SENP7: variants seen among roughly 807,000 people sequenced by gnomAD.
The protein encoded by SENP7 is sentrin-specific protease 7.
A neutral mutation model predicts 141.2 loss-of-function variants in SENP7; 64 were observed. The ratio of observed to expected loss-of-function variants is 0.45; its 90% confidence interval spans 0.37 to 0.56. The LOEUF (loss-of-function observed/expected upper bound fraction) is 0.56. Ranked by LOEUF, SENP7 falls within the 20% of genes least tolerant of loss-of-function variation. The pLI is 0.00. For missense variants in SENP7, 1,025 were observed against 1,212.2 expected, an observed-to-expected ratio of 0.85 and a Z score of 2.29; for synonymous variants, 382 against 426.4, an observed-to-expected ratio of 0.90 and a Z score of 1.28.
intron 3 of SENP7, among the ~76,000 whole-genome samples, chr3:101,490,597 AAAC>A (rs2064926890): frequency 6.6e-6 from 1 of 152,200 alleles, no homozygotes; most frequent in Non-Finnish European, 1.5e-5. Context: ...GATAAAATGA[AAAC>A]AAGGAAAATT....
intron 11 of SENP7, among the ~76,000 whole-genome samples, chr3:101,355,070 GT>G (rs1038753968): frequency 1.3e-5 from 2 of 151,928 alleles, no homozygotes; most frequent in African/African-American, 2.4e-5. Context: ...TCATAGGGTT[GT>G]TTTTTTCCTG....
intron 3 of SENP7, among the ~76,000 whole-genome samples, chr3:101,478,216 A>G (rs1029321077): frequency 6.6e-6 from 1 of 152,064 alleles, no homozygotes; most frequent in African/African-American, 2.4e-5. Flanking sequence ...CCCAATAACA[A>G]ATAACAAGAC....
chr3:101,449,299 A>C (rs952394619), intron 4 of SENP7, among the ~76,000 whole-genome samples: 3 of 152,248 alleles, frequency 2.0e-5, no homozygotes, highest in Non-Finnish European at 4.4e-5. Context: ...AACACTCTGC[A>C]GGATATTATC....
At chr3:101,417,208 G>T (rs2061648489) in intron 5 of SENP7, among the ~76,000 whole-genome samples, 1 of 150,546 alleles carries the variant, frequency 6.6e-6, no homozygotes. Flanking sequence ...GAATGTTAAA[G>T]ATGAAGAAAA....
At chr3:101,348,097 G>A (rs1576033739) in intron 12 of SENP7, 46 bp from the exon 13 acceptor site, 3 of 1,312,802 alleles carry the variant, frequency 2.3e-6, no homozygotes, top group South Asian at 1.6e-5. Flanking sequence ...ATCCATTTAA[G>A]AATACACCAC....
intron 23 of SENP7, 117 bp downstream of exon 23, chr3:101,327,541 CTTTATAAA>C (rs982816233): frequency 2.5e-5 from 16 of 650,308 alleles, no homozygotes; most frequent in Middle Eastern, 4.1e-4. Flanking sequence ...AACCTCTTTC[CTTTATAAA>C]TTACCCAGTC....
At chr3:101,349,361 A>T (rs748866816) in intron 12 of SENP7, among the ~76,000 whole-genome samples, 9 of 152,166 alleles carry the variant, frequency 5.9e-5, no homozygotes, top group Non-Finnish European at 1.2e-4. Flanking sequence ...AAATCTACAC[A>T]ACTACTACTA....
At chr3:101,354,086 T>A (rs1287579639) in intron 11 of SENP7, among the ~76,000 whole-genome samples, 2 of 151,974 alleles carry the variant, frequency 1.3e-5, no homozygotes, top group Non-Finnish European at 2.9e-5. Flanking sequence ...ATACTTAAAA[T>A]TTTTTTTAAT....
At chr3:101,415,082 A>G (rs2061573031) in intron 5 of SENP7, among the ~76,000 whole-genome samples, 1 of 152,256 alleles carries the variant, frequency 6.6e-6, no homozygotes, top group African/African-American at 2.4e-5. Flanking sequence ...GCTGTGAAAC[A>G]AAATCCATGA....
chr3:101,496,701 C>T (rs375416963), intron 2 of SENP7, among the ~76,000 whole-genome samples: 3 of 152,226 alleles, frequency 2.0e-5, no homozygotes, highest in East Asian at 1.9e-4. Context: ...CCTCAGCCTC[C>T]GAAGTAGATG....
chr3:101,363,228 A>G, intron 10 of SENP7: 2 of 533,788 alleles, frequency 3.7e-6, no homozygotes, highest in Non-Finnish European at 4.8e-6. Flanking sequence ...CAATCAATCA[A>G]ATCAAATCAG....
rs527635528 is a variant in SENP7 at position 101,418,948 on chromosome 3, T to A, written c.285-1158A>T. On this transcript the variant is annotated intron_variant, in intron 4 of 23. Transcript: ENST00000394095. ...AACGATGCTAGTATAATCTGGAGTT[T>A]CAGCTACAAACAAAATAGTTGAGTT... Among the ~76,000 whole-genome samples, 23 of 152,322 alleles carry A rather than the reference T, an allele frequency of 1.5e-4. No individual in the cohort carries two copies. The South Asian group carries it at 4.6e-3, about 30-fold the overall frequency.
At chr3:101,464,181 A>C (rs1182835214) in intron 3 of SENP7, among the ~76,000 whole-genome samples, 8 of 152,188 alleles carry the variant, frequency 5.3e-5, no homozygotes, top group Non-Finnish European at 1.0e-4. Flanking sequence ...AACTCTCTGA[A>C]AGAAGTAAAA....
At chr3:101,410,906 C>CATTAGATACTTTAT (rs1438900205) in intron 5 of SENP7, among the ~76,000 whole-genome samples, 2 of 80,454 alleles carry the variant, frequency 2.5e-5, no homozygotes, top group Admixed American at 3.0e-4. Flanking sequence ...GATATGGTAT[C>CATTAGATACTTTAT]TGTAGCAAAG....
intron 3 of SENP7, among the ~76,000 whole-genome samples, chr3:101,487,008 T>TA (rs1352954975): frequency 6.6e-6 from 1 of 152,140 alleles, no homozygotes; most frequent in Non-Finnish European, 1.5e-5. Context: ...CAACAGCAGT[T>TA]AAAAGAGACA....
chr3:101,421,788 C>T (rs575025967), intron 4 of SENP7, among the ~76,000 whole-genome samples: 1 of 152,276 alleles, frequency 6.6e-6, no homozygotes, highest in South Asian at 2.1e-4. Flanking sequence ...ACATCTACAA[C>T]ATTTAAGTGT....
chr3:101,447,349 T>G (rs2062936076), intron 4 of SENP7, among the ~76,000 whole-genome samples: 1 of 151,964 alleles, frequency 6.6e-6, no homozygotes, highest in Non-Finnish European at 1.5e-5. Flanking sequence ...GGCTGAGGAA[T>G]GAGGATCACT....
intron 6 of SENP7, among the ~76,000 whole-genome samples, chr3:101,377,027 T>A (rs1001779160): frequency 2.0e-5 from 3 of 152,124 alleles, no homozygotes; most frequent in Non-Finnish European, 4.4e-5. Flanking sequence ...GGAAGAAGAA[T>A]TTCTTGAGAA....
chr3:101,463,368 T>TATATATATATATATATATATATATAC (rs2063620943), intron 3 of SENP7, among the ~76,000 whole-genome samples: 2 of 76,426 alleles, frequency 2.6e-5, no homozygotes, highest in African/African-American at 1.3e-4. Flanking sequence ...TAAATAAATA[T>TATATATATATATATATATATATATAC]ATATATATAT....
Sources: gnomAD v4.1 joint callset for allele counts (sites outside exome capture counted in the v4.1 genomes callset) on GRCh38, gnomAD v4.1.1 for gene constraint, MANE v1.5 for transcripts, NCBI Gene and HGNC (gene_info 2026-07-23, HGNC 2026-07-21) for gene names.